Variants in TBCK observed in about 807,000 individuals in gnomAD.
The protein encoded by TBCK is TBC domain-containing protein kinase-like protein.
Under a neutral mutation model 113.4 loss-of-function variants are expected in TBCK, and 99 were observed. That is an observed-to-expected ratio of 0.87 (90% CI 0.74 to 1.03). The LOEUF (loss-of-function observed/expected upper bound fraction) is 1.03. TBCK is among the 50% of genes least tolerant of loss of function. The pLI is 0.00. For missense variants in TBCK, 1,045 were observed against 1,061.3 expected, an observed-to-expected ratio of 0.98 and a Z score of 0.21; for synonymous variants, 369 against 370.8, an observed-to-expected ratio of 1.00 and a Z score of 0.05.
chr4:106,173,415 T>C (rs1483707099), intron 22 of TBCK, among the ~76,000 whole-genome samples: 4 of 152,172 alleles, frequency 2.6e-5, no homozygotes, highest in Non-Finnish European at 4.4e-5. Context: ...AAAGTCTGTC[T>C]ACTTAACACA....
chr4:106,181,764 A>G (rs1752415773), intron 22 of TBCK, among the ~76,000 whole-genome samples: 2 of 152,194 alleles, frequency 1.3e-5, no homozygotes, highest in Non-Finnish European at 2.9e-5. Flanking sequence ...TGTTTTGGTT[A>G]CTATAGCCTT....
chr4:106,157,459 T>C (rs891526810), intron 23 of TBCK, among the ~76,000 whole-genome samples: 2 of 152,124 alleles, frequency 1.3e-5, no homozygotes, highest in African/African-American at 4.8e-5. Context: ...CTTTGAAGTT[T>C]ATTTAGAGCC....
intron 23 of TBCK, among the ~76,000 whole-genome samples, chr4:106,154,423 ATGT>A (rs1056241257): frequency 1.3e-5 from 2 of 152,082 alleles, no homozygotes; most frequent in South Asian, 2.1e-4. Context: ...ATGTCTTGAA[ATGT>A]TGTTGTAGTT....
chr4:106,142,900 CCT>C lies in TBCK; in HGVS notation c.2236-26524_2236-26523del, dbSNP rs1747300661. 1.3e-5 allele frequency among the ~76,000 whole-genome samples: 2 copies of C among 152,090 alleles called. 1 individual carries two copies. Among genetic ancestry groups the C allele is most frequent in the South Asian group, 4.1e-4 (2 of 4,822 alleles). ...GAAATAAAAACTGTCACCAGCATAA[CCT>C]TCCTAGCAACTGCAATGTGAATATG... On this transcript the variant is annotated intron_variant, in intron 23 of 25. Transcript: ENST00000394708.
intron 20 of TBCK, among the ~76,000 whole-genome samples, chr4:106,199,261 G>C (rs914551813): frequency 2.6e-5 from 4 of 152,056 alleles, no homozygotes; most frequent in Non-Finnish European, 2.9e-5. Context: ...AGCAGGATTT[G>C]ACAAAGTTGA....
intron 25 of TBCK, among the ~76,000 whole-genome samples, chr4:106,076,905 A>T (rs2149486015): frequency 6.6e-6 from 1 of 152,176 alleles, no homozygotes; most frequent in East Asian, 1.9e-4. Context: ...GGAGTTTGAA[A>T]CAAGCCTGGG....
chr4:106,041,635 T>C lies in TBCK; in HGVS notation c.*4935A>G, dbSNP rs1404681836. On this transcript the variant is annotated 3_prime_UTR_variant, in exon 26 of 26. Coordinates refer to ENST00000394708, the MANE Select transcript of TBCK (RefSeq NM_001163435.3). ...TGTTTATTAGAACAGATCAGTATTATTAGAATAGAACAGTATTATTGAAAT... is the reference window on the plus strand; with the variant it reads ...TGTTTATTAGAACAGATCAGTATTACTAGAATAGAACAGTATTATTGAAAT... 6.6e-6 allele frequency: 1 copy of C among 152,144 alleles called. No individual in the cohort carries two copies. Among genetic ancestry groups the C allele is most frequent in the African/African-American group, 2.4e-5 (1 of 41,426 alleles). 9.4% of individuals were successfully genotyped at this position (152,144 alleles called of 1,614,324 possible).
intron 2 of TBCK, among the ~76,000 whole-genome samples, chr4:106,304,271 G>A (rs952153546): frequency 6.6e-6 from 1 of 152,032 alleles, no homozygotes; most frequent in African/African-American, 2.4e-5. Context: ...ACAAAAAAAG[G>A]TGGGGGACAA....
At chr4:106,236,362 T>C (rs1318802646) in intron 14 of TBCK, 28 bp downstream of exon 14, 39 of 1,393,076 alleles carry the variant, frequency 2.8e-5, no homozygotes, top group South Asian at 1.8e-4. Flanking sequence ...TGGGCTATTG[T>C]TAACACTTTA....
intron 22 of TBCK, among the ~76,000 whole-genome samples, chr4:106,193,214 CA>C (rs1314577992): frequency 6.6e-6 from 1 of 152,118 alleles, no homozygotes; most frequent in Non-Finnish European, 1.5e-5. Flanking sequence ...TGGGAGGCAA[CA>C]AAGTTTTGTG....
intron 2 of TBCK, among the ~76,000 whole-genome samples, chr4:106,301,642 A>G (rs1047437059): frequency 6.6e-6 from 1 of 152,228 alleles, no homozygotes; most frequent in African/African-American, 2.4e-5. Context: ...AAACAGTGAA[A>G]GCTAGACTTC....
At chr4:106,274,681 C>G (rs537328785) in intron 3 of TBCK, among the ~76,000 whole-genome samples, 2 of 151,968 alleles carry the variant, frequency 1.3e-5, no homozygotes, top group Non-Finnish European at 2.9e-5. Context: ...AGAGAGAAGG[C>G]GAGGGACTGC....
intron 24 of TBCK, among the ~76,000 whole-genome samples, chr4:106,096,893 C>A (rs899733069): frequency 5.3e-5 from 8 of 152,124 alleles, no homozygotes; most frequent in African/African-American, 1.9e-4. Context: ...AATTAGAAGA[C>A]CCTGACTCTA....
intron 25 of TBCK, among the ~76,000 whole-genome samples, chr4:106,054,285 G>GAATGACTT (rs1735150207): frequency 6.6e-6 from 1 of 151,572 alleles, no homozygotes; most frequent in African/African-American, 2.4e-5. Context: ...TTAGATTACT[G>GAATGACTT]CAAGAACTTC....
chr4:106,221,322 T>C (rs1406528989), intron 19 of TBCK, among the ~76,000 whole-genome samples: 1 of 152,192 alleles, frequency 6.6e-6, no homozygotes, highest in Non-Finnish European at 1.5e-5. Context: ...TAACTGCATA[T>C]ACATATATAT....
intron 25 of TBCK, among the ~76,000 whole-genome samples, chr4:106,094,533 A>G (rs1485123416): frequency 2.0e-5 from 3 of 152,148 alleles, no homozygotes; most frequent in Non-Finnish European, 4.4e-5. Context: ...TAAAGTTCTA[A>G]TCTGAAATTT....
At position 106,166,974 on chromosome 4, in the gene TBCK, G is replaced by A. The variant is rs1271691272; in HGVS notation, c.2235+4121C>T. On this transcript the variant is annotated intron_variant, in intron 23 of 25. Coordinates refer to ENST00000394708, the MANE Select transcript of TBCK (RefSeq NM_001163435.3). ...TTAGAAGCATTTTCATTAAACTCGG[G>A]AACAAGTAAGTCTACCTACTCTTAA... 2.7e-5 allele frequency among the ~76,000 whole-genome samples: 4 copies of A among 150,392 alleles called. 1 individual carries two copies. Among genetic ancestry groups the A allele is most frequent in the African/African-American group, 9.7e-5 (4 of 41,158 alleles).
chr4:106,063,826 C>T (rs969421458), intron 25 of TBCK, among the ~76,000 whole-genome samples: 5 of 151,738 alleles, frequency 3.3e-5, no homozygotes, highest in Non-Finnish European at 7.4e-5. Context: ...ATAAAGATGG[C>T]CATATATGAA....
At chr4:106,221,769 T>C (rs1482841000) in intron 19 of TBCK, among the ~76,000 whole-genome samples, 3 of 152,016 alleles carry the variant, frequency 2.0e-5, no homozygotes, top group Non-Finnish European at 2.9e-5. Flanking sequence ...AGCTCTGTAA[T>C]TGACATGGAC....
Sources: gnomAD v4.1 joint callset for allele counts (sites outside exome capture counted in the v4.1 genomes callset) on GRCh38, gnomAD v4.1.1 for gene constraint, MANE v1.5 for transcripts, NCBI Gene and HGNC (gene_info 2026-07-23, HGNC 2026-07-21) for gene names.